The following SAMD12 variants were observed in gnomAD, a reference collection of about 807,000 sequenced individuals.
SAMD12 encodes the protein sterile alpha motif domain-containing protein 12.
Under a neutral mutation model 15.0 loss-of-function variants are expected in SAMD12, and 9 were observed. The ratio of observed to expected loss-of-function variants is 0.60; its 90% CI spans 0.36 to 1.05. The LOEUF (loss-of-function observed/expected upper bound fraction) is 1.05. Among genes scored for constraint, SAMD12 ranks in the 50% least tolerant of loss-of-function variants. SAMD12 has a pLI of 0.01. For missense variants in SAMD12, 230 were observed against 234.2 expected, an observed-to-expected ratio of 0.98 and a Z score of 0.12; for synonymous variants, 86 against 90.1, an observed-to-expected ratio of 0.96 and a Z score of 0.25.
At chr8:118,582,882 G>A (rs1317528470) in intron 1 of SAMD12, among the ~76,000 whole-genome samples, 2 of 151,020 alleles carry the variant, frequency 1.3e-5, no homozygotes, top group African/African-American at 2.4e-5. Flanking sequence ...TTTGCATCTC[G>A]GTAGTTTCAT....
chr8:118,468,767 T>C (rs1823670513), intron 2 of SAMD12, among the ~76,000 whole-genome samples: 1 of 152,060 alleles, frequency 6.6e-6, no homozygotes, highest in Non-Finnish European at 1.5e-5. Context: ...TGCACAACTT[T>C]TGGTAGTTTA....
intron 4 of SAMD12, among the ~76,000 whole-genome samples, chr8:118,242,942 T>A (rs1326612125): frequency 6.6e-6 from 1 of 152,190 alleles, no homozygotes; most frequent in African/African-American, 2.4e-5. Context: ...TTTCCCCATC[T>A]GGGCTACAAT....
chr8:118,594,651 A>C (rs901928025), intron 1 of SAMD12, among the ~76,000 whole-genome samples: 7 of 152,204 alleles, frequency 4.6e-5, no homozygotes, highest in Non-Finnish European at 1.0e-4. Context: ...TACGAGAAAA[A>C]AATGATACAG....
chr8:118,159,778 C>G, the SAMD12 span, among the ~76,000 whole-genome samples: 4 of 148,036 alleles, frequency 2.7e-5, no homozygotes, highest in African/African-American at 1.0e-4. Flanking sequence ...CGCAATGGTA[C>G]GATCTCAGCT....
At chr8:118,347,511 G>C (rs1369354523) in intron 4 of SAMD12, among the ~76,000 whole-genome samples, 1 of 152,106 alleles carries the variant, frequency 6.6e-6, no homozygotes, top group Non-Finnish European at 1.5e-5. Context: ...TAAAATGTGG[G>C]GAAAGGTGGG....
chr8:118,480,795 T>C (rs560880639), intron 2 of SAMD12, among the ~76,000 whole-genome samples: 2 of 152,230 alleles, frequency 1.3e-5, no homozygotes, highest in Non-Finnish European at 2.9e-5. Context: ...CCTCTGGACT[T>C]GGCTCCAGCG....
chr8:118,320,868 CTT>C (rs1316656341), intron 4 of SAMD12, among the ~76,000 whole-genome samples: 1 of 148,634 alleles, frequency 6.7e-6, no homozygotes, highest in Non-Finnish European at 1.5e-5. Context: ...GCATGTGTGT[CTT>C]TGTCAATGCA....
chr8:118,266,471 A>T (rs1813202193), intron 4 of SAMD12, among the ~76,000 whole-genome samples: 1 of 152,284 alleles, frequency 6.6e-6, no homozygotes, highest in East Asian at 1.9e-4. Flanking sequence ...ATATAATCTA[A>T]CAATCCCACT....
At chr8:118,440,699 C>CACACACACACACAA (rs1822727898) in intron 2 of SAMD12, among the ~76,000 whole-genome samples, 1 of 130,994 alleles carries the variant, frequency 7.6e-6, no homozygotes, top group Non-Finnish European at 1.6e-5. Flanking sequence ...CACACACAAA[C>CACACACACACACAA]ACACACACAC....
At chr8:118,351,467 G>C (rs1463146540) in intron 4 of SAMD12, among the ~76,000 whole-genome samples, 3 of 152,056 alleles carry the variant, frequency 2.0e-5, no homozygotes, top group East Asian at 3.9e-4. Context: ...CCTACAGTAG[G>C]GAGTGGCAGA....
At chr8:118,204,521 G>A (rs1367566710) in intron 4 of SAMD12, among the ~76,000 whole-genome samples, 11 of 152,086 alleles carry the variant, frequency 7.2e-5, no homozygotes, top group African/African-American at 1.4e-4. Context: ...TTGGGAGGCC[G>A]AGCCGGGCAG....
chr8:118,204,716 T>A (rs1819814030), intron 4 of SAMD12, among the ~76,000 whole-genome samples: 1 of 151,694 alleles, frequency 6.6e-6, no homozygotes, highest in South Asian at 2.1e-4. Flanking sequence ...ATTGCGTCAC[T>A]GCACTCCAGC....
chr8:118,403,511 A>T (rs1820971836), intron 3 of SAMD12, among the ~76,000 whole-genome samples: 1 of 144,248 alleles, frequency 6.9e-6, no homozygotes, highest in South Asian at 2.1e-4. Flanking sequence ...TTTCTAAAAT[A>T]AAAAAAATTA....
At chr8:118,523,606 TC>T (rs1825451815) in intron 2 of SAMD12, among the ~76,000 whole-genome samples, 1 of 152,154 alleles carries the variant, frequency 6.6e-6, no homozygotes, top group African/African-American at 2.4e-5. Flanking sequence ...CTGAGCTCTC[TC>T]TACTCAAAAC....
chr8:118,190,601 T>C (rs1266569891), exon 5 of SAMD12: 1 of 152,142 alleles, frequency 6.6e-6, no homozygotes, highest in Non-Finnish European at 1.5e-5. Flanking sequence ...GAATGGAGGC[T>C]CAGAAATAAC....
intron 2 of SAMD12, among the ~76,000 whole-genome samples, chr8:118,511,593 G>A (rs1436902049): frequency 6.6e-6 from 1 of 151,962 alleles, no homozygotes; most frequent in African/African-American, 2.4e-5. Context: ...CTACAGTTCT[G>A]GCTGAAGAGG....
chr8:118,554,372 T>C (rs1332740128), intron 2 of SAMD12, among the ~76,000 whole-genome samples: 2 of 152,078 alleles, frequency 1.3e-5, no homozygotes, highest in African/African-American at 4.8e-5. Flanking sequence ...GATGAGTTCA[T>C]GTCCTTTGTA....
At chr8:118,462,298 T>C (rs1823446028) in intron 2 of SAMD12, among the ~76,000 whole-genome samples, 1 of 152,232 alleles carries the variant, frequency 6.6e-6, no homozygotes, top group African/African-American at 2.4e-5. Flanking sequence ...GGTTATTCTG[T>C]TAAGCTTGCA....
chr8:118,505,834 T>A (rs113531751), intron 2 of SAMD12, among the ~76,000 whole-genome samples: 3,594 of 152,182 alleles, frequency 0.024, 118 homozygotes, highest in African/African-American at 0.076. Flanking sequence ...ACATCAGGAT[T>A]TGTGGGGAAG....
Sources: gnomAD v4.1 joint callset for allele counts (sites outside exome capture counted in the v4.1 genomes callset) on GRCh38, gnomAD v4.1.1 for gene constraint, MANE v1.5 for transcripts, NCBI Gene and HGNC (gene_info 2026-07-23, HGNC 2026-07-21) for gene names.